The following CTNNA1 variants were observed in gnomAD, a reference collection of about 807,000 sequenced individuals.
The protein encoded by CTNNA1 is catenin alpha 1, also known as catenin alpha-1.
In CTNNA1, 37 loss-of-function variants were observed where a neutral mutation model predicts 98.4. That is an observed-to-expected ratio of 0.38 (90% CI 0.29 to 0.49). CTNNA1 has a LOEUF of 0.49. CTNNA1 is among the 20% of genes least tolerant of loss of function. The pLI is 0.95. For synonymous variants in CTNNA1, 404 were observed against 413.2 expected (o/e 0.98, Z 0.27); for missense variants, 761 against 1,147.2 (o/e 0.66, Z 4.86).
At chr5:138,843,558 T>C (rs1199003635) in intron 7 of CTNNA1, among the ~76,000 whole-genome samples, 3 of 152,188 alleles carry the variant, frequency 2.0e-5, no homozygotes, top group African/African-American at 7.2e-5. Flanking sequence ...CTTGGGGATT[T>C]GTATGGGTAA....
intron 7 of CTNNA1, among the ~76,000 whole-genome samples, chr5:138,841,392 T>C (rs2149817353): frequency 6.6e-6 from 1 of 152,254 alleles, no homozygotes; most frequent in Non-Finnish European, 1.5e-5. Flanking sequence ...CCTGAGTAGC[T>C]GGGATTACAG....
At chr5:138,792,904 A>G (rs1756532677) in intron 3 of CTNNA1, among the ~76,000 whole-genome samples, 1 of 152,138 alleles carries the variant, frequency 6.6e-6, no homozygotes, top group South Asian at 2.1e-4. Flanking sequence ...TTTTTCTCAT[A>G]GTCTTCCTTT....
intron 7 of CTNNA1, chr5:138,875,860 G>A: frequency 5.3e-6 from 2 of 375,594 alleles, no homozygotes; most frequent in Non-Finnish European, 7.3e-6. Flanking sequence ...AAGTGGGCTT[G>A]GCTTGTTTGT....
intron 9 of CTNNA1, among the ~76,000 whole-genome samples, chr5:138,900,324 G>T (rs972543845): frequency 6.6e-6 from 1 of 152,168 alleles, no homozygotes; most frequent in African/African-American, 2.4e-5. Context: ...AGACTTAAAA[G>T]CTCCCTGTCC....
intron 7 of CTNNA1, among the ~76,000 whole-genome samples, chr5:138,851,798 G>C (rs1024972692): frequency 1.3e-5 from 2 of 151,556 alleles, no homozygotes; most frequent in African/African-American, 4.9e-5. Context: ...GCTCATGCCT[G>C]TAATCCCAGT....
At chr5:138,818,569 G>A (rs1759690885) in intron 5 of CTNNA1, among the ~76,000 whole-genome samples, 1 of 152,152 alleles carries the variant, frequency 6.6e-6, no homozygotes, top group African/African-American at 2.4e-5. Flanking sequence ...TTGGCTCTGT[G>A]TCCAGTAGGA....
chr5:138,814,098 G>C (rs1333456417), intron 5 of CTNNA1, among the ~76,000 whole-genome samples: 2 of 152,144 alleles, frequency 1.3e-5, no homozygotes, highest in African/African-American at 4.8e-5. Context: ...GTAGGCAGTT[G>C]GTGAATAATA....
chr5:138,894,748 A>C (rs967686770), intron 9 of CTNNA1, among the ~76,000 whole-genome samples: 6 of 152,120 alleles, frequency 3.9e-5, no homozygotes, highest in African/African-American at 1.4e-4. Flanking sequence ...AGCCTGGAAT[A>C]ATATTCAAAA....
At chr5:138,789,622 T>C (rs1034522770) in intron 3 of CTNNA1, among the ~76,000 whole-genome samples, 1 of 152,176 alleles carries the variant, frequency 6.6e-6, no homozygotes, top group Admixed American at 6.5e-5. Context: ...CACACCTGGC[T>C]AATTTTTGTA....
intron 2 of CTNNA1, among the ~76,000 whole-genome samples, chr5:138,782,847 T>C (rs1458460408): frequency 6.6e-6 from 1 of 152,228 alleles, no homozygotes; most frequent in Non-Finnish European, 1.5e-5. Context: ...TTAACCTCTT[T>C]CTGGAACATC....
At chr5:138,775,096 A>G (rs1399220290) in intron 1 of CTNNA1, among the ~76,000 whole-genome samples, 1 of 152,206 alleles carries the variant, frequency 6.6e-6, no homozygotes, top group Non-Finnish European at 1.5e-5. Flanking sequence ...ACATATACCT[A>G]AATGTCTGCT....
chr5:138,820,716 GT>G (rs571491812), intron 5 of CTNNA1, among the ~76,000 whole-genome samples: 398 of 141,476 alleles, frequency 2.8e-3, no homozygotes, highest in African/African-American at 9.7e-3. Context: ...TTAAAATGTA[GT>G]TGTTTAGTCG....
At chr5:138,825,278 G>C (rs1192950874) in intron 6 of CTNNA1, among the ~76,000 whole-genome samples, 1 of 151,998 alleles carries the variant, frequency 6.6e-6, no homozygotes, top group Admixed American at 6.6e-5. Flanking sequence ...GACTAAATTG[G>C]AATAATGAAC....
In CTNNA1 at chr5:138,797,885, T is replaced by TAA. The variant is rs11445059; in HGVS notation, c.302-12144_302-12143dup. ...AAACAAAACAAAACAAAAAAACTGC[T>TAA]AAAAAAAAAATTTAAAAAAAGCAGT... is the stretch of plus-strand genomic sequence containing the variant. On this transcript the variant is annotated intron_variant, in intron 3 of 17. Transcript: ENST00000302763. 1.1e-3 allele frequency among the ~76,000 whole-genome samples: 164 copies of TAA among 150,270 alleles called. 2 individuals are homozygous for TAA. The highest frequency in any genetic ancestry group is 3.3e-3 in the East Asian group (17 of 5,134).
rs1399651477 is a variant in CTNNA1 at position 138,874,357 on chromosome 5, C to G, written c.1063-11855C>G. ...CGAGCTCTGTGATGTGATTGTGCCT[C>G]AGGGACAGGCCCAGAGAGCCCTTGT... On this transcript the variant is annotated intron_variant, in intron 7 of 17. Coordinates refer to ENST00000302763, the MANE Select transcript of CTNNA1 (RefSeq NM_001903.5). This position sits in a 1 kb window ranked among gnomAD's most constrained non-coding sequence, Gnocchi z 4.1. 2 of 1,614,028 alleles carry G rather than the reference C, an allele frequency of 1.2e-6. No individual in the cohort carries two copies. Among genetic ancestry groups the G allele is most frequent in the African/African-American group, 1.3e-5 (1 of 75,052 alleles).
intron 3 of CTNNA1, among the ~76,000 whole-genome samples, chr5:138,798,644 T>C (rs998831940): frequency 9.2e-5 from 14 of 152,220 alleles, no homozygotes; most frequent in African/African-American, 3.4e-4. Flanking sequence ...TTGTGGGTTT[T>C]TTTGTTTGTT....
chr5:138,931,095 T>C (rs1359799030), intron 16 of CTNNA1, 160 bp downstream of exon 16: 1 of 618,426 alleles, frequency 1.6e-6, no homozygotes, highest in South Asian at 1.9e-5. Flanking sequence ...AAGGATTCTC[T>C]AGAGCGGATG....
chr5:138,848,155 G>A (rs1332819503), intron 7 of CTNNA1, among the ~76,000 whole-genome samples: 1 of 71,504 alleles, frequency 1.4e-5, no homozygotes, highest in East Asian at 3.7e-3. Flanking sequence ...TTTCTATGGA[G>A]AGACTGTTCT....
chr5:138,907,402 AGTTTTTGAAATCTTTGAG>A (rs915616598), intron 10 of CTNNA1, among the ~76,000 whole-genome samples: 9 of 152,338 alleles, frequency 5.9e-5, no homozygotes, highest in African/African-American at 1.7e-4. Flanking sequence ...ACTAATTTAA[AGTTTTTGAAATCTTTGAG>A]GAGGATAACT....
Sources: allele counts gnomAD v4.1 joint callset (sites outside exome capture counted in the v4.1 genomes callset), GRCh38; gene constraint gnomAD v4.1.1; non-coding constraint Gnocchi (gnomAD v3.1); transcripts MANE v1.5; gene names NCBI Gene and HGNC (gene_info 2026-07-23, HGNC 2026-07-21).